MYH13: variants seen among roughly 807,000 people sequenced by gnomAD.
MYH13 encodes myosin heavy chain 13, also known as myosin-13.
Under a neutral mutation model 232.1 loss-of-function variants are expected in MYH13, and 177 were observed. The observed-to-expected ratio is 0.76, with a 90% CI of 0.67 to 0.86. The LOEUF (loss-of-function observed/expected upper bound fraction) is 0.86, where lower values mean the gene tolerates loss of function less well. MYH13 is among the 40% of genes least tolerant of loss of function. The pLI, the probability that MYH13 is intolerant of heterozygous loss-of-function variation, is 0.00. For missense variants in MYH13, 2,246 were observed against 2,405.9 expected (o/e 0.93, Z 1.39); for synonymous variants, 884 against 923.5 (o/e 0.96, Z 0.78).
chr17:10,306,225 T>C lies in MYH13; in HGVS notation c.5466+234A>G, dbSNP rs1262267675. Among the ~76,000 whole-genome samples, 32 of 79,616 alleles carry C rather than the reference T, an allele frequency of 4.0e-4. No individual in the cohort carries two copies. The South Asian group carries it at 0.017, about 41-fold the overall frequency. The allele number at this position is 79,616 out of a possible 152,430, so 52.2% of individuals were successfully genotyped here. A position where few individuals can be genotyped will look rare whatever the true frequency, so the allele number is the denominator to read the frequency against. On this transcript the variant is annotated intron_variant, in intron 37 of 40. Coordinates refer to ENST00000252172, the MANE Select transcript of MYH13 (RefSeq NM_003802.3). The surrounding 1 kb of genome is among the most constrained non-coding windows in gnomAD (Gnocchi z 4.3). The stretch of plus-strand genomic sequence containing the variant: ...GTGTGAGCATACCAAAATAGATGTG[T>C]GTGTGTGTGTGTGTGTGTGTGTGTG...
At chr17:10,354,461 G>A (rs2071733060) in intron 11 of MYH13, among the ~76,000 whole-genome samples, 1 of 152,188 alleles carries the variant, frequency 6.6e-6, no homozygotes, top group Admixed American at 6.5e-5. Flanking sequence ...GGCCTGCTTT[G>A]GTGAACCTTC....
chr17:10,343,828 A>C lies in MYH13; in HGVS notation c.1866T>G (p.Leu622=). The change falls in exon 16 of 41, where the codon CTT becomes CTG. Residue 622 remains leucine, a synonymous_variant. Coordinates refer to ENST00000252172, the MANE Select transcript of MYH13 (RefSeq NM_003802.3). The part of the protein sequence containing the change: ...QKSSLKLLSF[L]FSNYAGAETG... ...TCTCTGCACCAGCATAGTTGGAAAA[A>C]AGGAAGGAGAGAAGCTTCAGCGAAG... The C allele has an allele frequency of 6.2e-7, 1 of 1,606,774 alleles. No individual in the cohort carries two copies. The highest frequency in any genetic ancestry group is 8.5e-7 in the Non-Finnish European group (1 of 1,175,518).
Position 10,345,579 on chromosome 17 carries a change from T to C in MYH13, c.1301A>G (p.Tyr434Cys), listed in dbSNP as rs780240780. 14 of 1,614,066 alleles carry C rather than the reference T, an allele frequency of 8.7e-6. No individual in the cohort carries two copies. The highest frequency in any genetic ancestry group is 1.3e-5 in the African/African-American group (1 of 74,926). ...GACCATCCACAGGAACATCTTCTCGTAGACGGCTTTGGCCAGAGCACCCAC... is the reference window on the plus strand; with the variant it reads ...GACCATCCACAGGAACATCTTCTCGCAGACGGCTTTGGCCAGAGCACCCAC... ...NSVGALAKAVYEKMFLWMVTR... is the reference protein window; with the variant it reads ...NSVGALAKAVCEKMFLWMVTR... Residue 434 changes from tyrosine (Y) to cysteine (C), a missense_variant, in exon 14 of 41, where the codon TAC becomes TGC. Coordinates refer to ENST00000252172, the MANE Select transcript of MYH13 (RefSeq NM_003802.3).
rs779397376 is a variant in MYH13 at position 10,340,179 on chromosome 17, C to T, written c.2027G>A (p.Cys676Tyr). The change falls in exon 18 of 41, where the codon TGT (cysteine) becomes TAT (tyrosine). Residue 676 changes from cysteine (C) to tyrosine (Y), a missense_variant. Cys to Tyr is a radical substitution (Grantham distance 194). Coordinates refer to ENST00000252172, the MANE Select transcript of MYH13 (RefSeq NM_003802.3). ...LRSTHPHFVR[C>Y]LIPNETKTPG... is the part of the protein sequence containing the mutation. ...AGTCTTGGTCTCATTGGGAATCAGA[C>T]ATCGTACAAAGTGAGGGTGGGTGCT... 1 of 1,613,926 alleles carries T rather than the reference C, an allele frequency of 6.2e-7. No individual in the cohort carries two copies. The highest frequency in any genetic ancestry group is 1.7e-5 in the Admixed American group (1 of 59,982).
At chr17:10,335,552 A>C (rs2071566767) in intron 18 of MYH13, among the ~76,000 whole-genome samples, 1 of 152,188 alleles carries the variant, frequency 6.6e-6, no homozygotes, top group Admixed American at 6.5e-5. Context: ...CAGGAGTTCG[A>C]GACCACCCTG....
chr17:10,332,337 A>C, intron 19 of MYH13, 115 bp from the exon 20 acceptor site: 1 of 1,365,180 alleles, frequency 7.3e-7, no homozygotes, highest in Non-Finnish European at 1.0e-6. Flanking sequence ...GGAATACTGT[A>C]CAGCTGGTCT....
At chr17:10,369,948 AC>A (rs1453252089) in intron 2 of MYH13, among the ~76,000 whole-genome samples, 72 of 152,262 alleles carry the variant, frequency 4.7e-4, no homozygotes, top group African/African-American at 1.6e-3. Context: ...ACAACTCTTC[AC>A]CCTTTTGATG....
At chr17:10,325,864 A>G (rs1777693254) in intron 22 of MYH13, among the ~76,000 whole-genome samples, 1 of 152,072 alleles carries the variant, frequency 6.6e-6, no homozygotes, top group Non-Finnish European at 1.5e-5. Context: ...TTTAGAAGAG[A>G]GGGGGTTTCA....
chr17:10,339,862 A>G (rs999427435), intron 18 of MYH13, among the ~76,000 whole-genome samples: 3 of 152,236 alleles, frequency 2.0e-5, no homozygotes, highest in Admixed American at 6.5e-5. Context: ...TGGTTACATA[A>G]TAGTTGAACA....
chr17:10,330,576 C>T (rs758459563), intron 20 of MYH13, 53 bp from the exon 21 acceptor site: 40 of 1,556,498 alleles, frequency 2.6e-5, no homozygotes, highest in African/African-American at 4.1e-5. Context: ...GGCGTTCAGC[C>T]GGGCCCTTGA....
rs533539367 is a variant in MYH13 at position 10,319,172 on chromosome 17, A to C, written c.3356T>G (p.Ile1119Arg). The C allele has an allele frequency of 6.2e-6, 10 of 1,613,574 alleles. No individual in the cohort carries two copies. The South Asian group carries it at 1.1e-4, about 18-fold the overall frequency. Residue 1119 changes from isoleucine to arginine, a missense_variant, in exon 27 of 41, where the codon ATA (isoleucine) becomes AGA (arginine). Transcript: ENST00000252172. The part of the protein sequence containing the change: ...QKKIKELQAR[I>R]EELEEEIEAE... ...TTCAATTTCCTCCTCCAGCTCTTCT[A>C]TGCGGGCCTGAAAGGATTACTCTAT...
At chr17:10,320,956 G>C (rs555687721) in intron 24 of MYH13, among the ~76,000 whole-genome samples, 7 of 152,174 alleles carry the variant, frequency 4.6e-5, no homozygotes, top group Non-Finnish European at 8.8e-5. Context: ...TGCATACATA[G>C]GAACAGGAAA....
rs61543278 is a variant in MYH13 at position 10,326,981 on chromosome 17, GTTTTTTTTTTTTTTTTTTTTT to G, written c.2691+864_2691+884del. On this transcript the variant is annotated intron_variant, in intron 22 of 40. Transcript: ENST00000252172. Reference sequence around the variant, plus strand: ...GAGACATGCACCACCATGCCTACTAGTTTTTTTTTTTTTTTTTTTTTTTTTTTTTTTTTTTTTTGAGACGGA... The same window carrying G: ...GAGACATGCACCACCATGCCTACTAGTTTTTTTTTTTTTTTTTGAGACGGA... Among the ~76,000 whole-genome samples the G allele has an allele frequency of 3.8e-4, 21 of 55,832 alleles. 4 individuals are homozygous for G. The highest frequency in any genetic ancestry group is 2.8e-3 in the South Asian group (3 of 1,088). The allele number at this position is 55,832 out of a possible 152,430, so 36.6% of individuals were successfully genotyped here.
At chr17:10,340,082 A>G (rs542511924) in intron 18 of MYH13, 68 bp downstream of exon 18, 2 of 1,367,844 alleles carry the variant, frequency 1.5e-6, no homozygotes, top group African/African-American at 2.9e-5. Flanking sequence ...GCACACCCAC[A>G]GAATTTTGCA....
chr17:10,358,279 AG>A (rs1380781851), intron 7 of MYH13, among the ~76,000 whole-genome samples: 7 of 152,184 alleles, frequency 4.6e-5, no homozygotes, highest in African/African-American at 1.4e-4. Flanking sequence ...GTTCTCAAAA[AG>A]GTTTTTTATG....
chr17:10,350,172 T>C (rs2071698058), intron 12 of MYH13, among the ~76,000 whole-genome samples: 1 of 152,122 alleles, frequency 6.6e-6, no homozygotes, highest in Non-Finnish European at 1.5e-5. Context: ...GGCTCCCACT[T>C]TACCAAAGGC....
At position 10,313,311 on chromosome 17, in the gene MYH13, T is replaced by A; in HGVS notation, c.4028A>T (p.Asp1343Val). The change falls in exon 30 of 41, where the codon GAC becomes GTC. Residue 1343 changes from aspartate (D) to valine (V), a missense_variant. Transcript: ENST00000252172. ...ATACTGTTCCCGCAGCAGGTCACAG[T>A]CGTGGCGGGAGGACTGCAGGGCGTG... ...MAHALQSSRH[D>V]CDLLREQYEE... The A allele has an allele frequency of 2.5e-6, 4 of 1,614,234 alleles. No individual in the cohort carries two copies. The highest frequency in any genetic ancestry group is 3.4e-6 in the Non-Finnish European group (4 of 1,180,048).
chr17:10,320,326 CAG>C, intron 25 of MYH13, 23 bp downstream of exon 25: 2 of 1,610,546 alleles, frequency 1.2e-6, no homozygotes, highest in Non-Finnish European at 1.7e-6. Context: ...GGCTGAGACA[CAG>C]AGGTGGTAAA....
At chr17:10,314,723 G>A (rs915984288) in intron 29 of MYH13, among the ~76,000 whole-genome samples, 4 of 152,188 alleles carry the variant, frequency 2.6e-5, no homozygotes, top group Non-Finnish European at 5.9e-5. Context: ...CATTCATGCA[G>A]TTTTTTGGAC....
Sources: allele counts gnomAD v4.1 joint callset (sites outside exome capture counted in the v4.1 genomes callset), GRCh38; gene constraint gnomAD v4.1.1; non-coding constraint Gnocchi (gnomAD v3.1); transcripts MANE v1.5; gene names NCBI Gene and HGNC (gene_info 2026-07-23, HGNC 2026-07-21).